The following ATP8A2 variants were observed in gnomAD, a reference collection of about 807,000 sequenced individuals.
The protein encoded by ATP8A2 is ATPase phospholipid transporting 8A2, also known as phospholipid-transporting ATPase IB.
Under a neutral mutation model 165.6 loss-of-function variants are expected in ATP8A2, and 100 were observed. The ratio of observed to expected loss-of-function variants is 0.60; its 90% confidence interval spans 0.51 to 0.71. The LOEUF (loss-of-function observed/expected upper bound fraction) is 0.71. ATP8A2 is among the 30% of genes least tolerant of loss of function. The probability of loss-of-function intolerance (pLI) is 0.00; values close to 1 mark genes in which losing one functional copy is unlikely to be tolerated. For missense variants in ATP8A2, 1,227 were observed against 1,479.5 expected, an observed-to-expected ratio of 0.83 and a Z score of 2.80; for synonymous variants, 543 against 548.8, an observed-to-expected ratio of 0.99 and a Z score of 0.15.
intron 24 of ATP8A2, among the ~76,000 whole-genome samples, chr13:25,688,378 G>A (rs532213882): frequency 3.3e-5 from 5 of 150,016 alleles, no homozygotes; most frequent in Non-Finnish European, 7.4e-5. Flanking sequence ...CTACACAGCC[G>A]GAAGCCTTTC....
chr13:25,756,400 C>G (rs1037634324), intron 25 of ATP8A2, among the ~76,000 whole-genome samples: 2 of 148,304 alleles, frequency 1.3e-5, no homozygotes, highest in Non-Finnish European at 1.5e-5. Context: ...GGTTGTGGCT[C>G]CTCTGCTGGA....
Position 25,427,584 on chromosome 13 carries a change from C to A in ATP8A2, c.77-41393C>A, listed in dbSNP as rs979036791. Among the ~76,000 whole-genome samples the A allele has an allele frequency of 2.6e-5, 4 of 151,926 alleles. No individual in the cohort carries two copies. The East Asian group carries it at 7.7e-4, about 29-fold the overall frequency. On this transcript the variant is annotated intron_variant, in intron 1 of 36. Transcript: ENST00000381655. The stretch of plus-strand genomic sequence containing the variant: ...ACTAACTGCTCATTTTCCTGGGAGC[C>A]TAAAACTTCTCTAAAAAAAACAAAC...
chr13:25,605,644 A>G (rs756759366), intron 24 of ATP8A2, among the ~76,000 whole-genome samples: 15 of 152,178 alleles, frequency 9.9e-5, no homozygotes, highest in Non-Finnish European at 4.4e-5. Context: ...ACTACTCACA[A>G]TAGATATTCA....
intron 2 of ATP8A2, among the ~76,000 whole-genome samples, chr13:25,495,601 A>G (rs2036651479): frequency 6.8e-6 from 1 of 146,748 alleles, no homozygotes; most frequent in Non-Finnish European, 1.5e-5. Flanking sequence ...CTGGGACCAC[A>G]GGCATGCACC....
At chr13:25,488,121 G>C (rs2036409972) in intron 2 of ATP8A2, among the ~76,000 whole-genome samples, 1 of 152,160 alleles carries the variant, frequency 6.6e-6, no homozygotes, top group Non-Finnish European at 1.5e-5. Flanking sequence ...CTGTTTGACA[G>C]GTTGGGTAGG....
intron 24 of ATP8A2, among the ~76,000 whole-genome samples, chr13:25,666,251 C>A (rs946032517): frequency 2.6e-5 from 4 of 152,022 alleles, no homozygotes; most frequent in African/African-American, 7.2e-5. Context: ...TGCTCTGTCA[C>A]CCAGGCTGGA....
chr13:25,990,866 T>C (rs1440190912), intron 35 of ATP8A2, among the ~76,000 whole-genome samples: 3 of 152,274 alleles, frequency 2.0e-5, no homozygotes, highest in African/African-American at 7.2e-5. Context: ...GCACGGCATT[T>C]TGCTTGGGGT....
intron 25 of ATP8A2, among the ~76,000 whole-genome samples, chr13:25,763,982 G>A (rs996005336): frequency 6.6e-6 from 1 of 152,064 alleles, no homozygotes; most frequent in Non-Finnish European, 1.5e-5. Flanking sequence ...AGGTACTGAA[G>A]TTTTTGACTG....
At chr13:25,479,032 G>C (rs2036079309) in intron 2 of ATP8A2, among the ~76,000 whole-genome samples, 1 of 152,060 alleles carries the variant, frequency 6.6e-6, no homozygotes, top group Non-Finnish European at 1.5e-5. Flanking sequence ...TATTTTAGTA[G>C]AGACGGGGTT....
intron 1 of ATP8A2, among the ~76,000 whole-genome samples, chr13:25,375,264 G>A (rs1279038319): frequency 1.3e-5 from 2 of 152,208 alleles, no homozygotes; most frequent in South Asian, 2.1e-4. Context: ...ACAGAGCAGG[G>A]AACACAGCAG....
intron 33 of ATP8A2, among the ~76,000 whole-genome samples, chr13:25,939,089 C>T (rs911159236): frequency 7.2e-5 from 11 of 152,038 alleles, no homozygotes; most frequent in East Asian, 1.9e-4. Context: ...GTGATCCATC[C>T]GCCTTGGCCT....
intron 35 of ATP8A2, among the ~76,000 whole-genome samples, chr13:26,008,157 T>TGAAC (rs1193708134): frequency 6.6e-6 from 1 of 152,064 alleles, no homozygotes; most frequent in African/African-American, 2.4e-5. Context: ...ACACAGGAAA[T>TGAAC]GAACCACAAT....
chr13:25,752,707 T>C (rs1213834785), intron 25 of ATP8A2, among the ~76,000 whole-genome samples: 1 of 152,202 alleles, frequency 6.6e-6, no homozygotes, highest in South Asian at 2.1e-4. Flanking sequence ...AGCCTCTAAC[T>C]CCTGGCCAGT....
intron 33 of ATP8A2, among the ~76,000 whole-genome samples, chr13:25,906,455 C>T (rs1009102113): frequency 1.3e-5 from 2 of 152,114 alleles, no homozygotes; most frequent in Admixed American, 6.5e-5. Flanking sequence ...GTTTCCACAG[C>T]ATGCCCCACC....
At chr13:25,771,709 A>G (rs2044623180) in intron 26 of ATP8A2, among the ~76,000 whole-genome samples, 1 of 152,046 alleles carries the variant, frequency 6.6e-6, no homozygotes, top group Non-Finnish European at 1.5e-5. Flanking sequence ...GTTTCTGTGC[A>G]CCCTCATTTC....
intron 1 of ATP8A2, among the ~76,000 whole-genome samples, chr13:25,445,522 T>C (rs1465185489): frequency 6.6e-6 from 1 of 152,246 alleles, no homozygotes; most frequent in Non-Finnish European, 1.5e-5. Flanking sequence ...TTTTATTGAC[T>C]GCATTCAGGA....
At chr13:25,955,915 A>C (rs1955508274) in intron 33 of ATP8A2, among the ~76,000 whole-genome samples, 1 of 152,166 alleles carries the variant, frequency 6.6e-6, no homozygotes, top group South Asian at 2.1e-4. Context: ...CGCATCAAAA[A>C]ACTTATCTAT....
intron 30 of ATP8A2, among the ~76,000 whole-genome samples, chr13:25,843,988 GCT>G (rs1363094146): frequency 2.6e-5 from 4 of 152,142 alleles, no homozygotes; most frequent in African/African-American, 9.7e-5. Context: ...GATTAAGACT[GCT>G]CTGTAGAGAA....
At chr13:25,921,573 A>G (rs2139033316) in intron 33 of ATP8A2, among the ~76,000 whole-genome samples, 2 of 151,704 alleles carry the variant, frequency 1.3e-5, no homozygotes, top group Middle Eastern at 3.4e-3. Flanking sequence ...CAGTGAGCCA[A>G]GATTGCGCCA....
Sources: gnomAD v4.1 joint callset for allele counts (sites outside exome capture counted in the v4.1 genomes callset) on GRCh38, gnomAD v4.1.1 for gene constraint, MANE v1.5 for transcripts, NCBI Gene and HGNC (gene_info 2026-07-23, HGNC 2026-07-21) for gene names.